TBC1D14: variants seen among roughly 807,000 people sequenced by gnomAD.
TBC1D14 encodes the protein TBC1 domain family, member 14.
TBC1D14 carries 26 observed loss-of-function variants against 79.0 expected under a neutral mutation model. The ratio of observed to expected loss-of-function variants is 0.33; its 90% CI spans 0.24 to 0.46. The LOEUF is 0.46. TBC1D14 is among the 20% of genes least tolerant of loss of function. The probability of loss-of-function intolerance (pLI) is 1.00; values close to 1 mark genes in which losing one functional copy is unlikely to be tolerated. For missense variants in TBC1D14, 769 were observed against 887.6 expected (o/e 0.87, Z 1.70); for synonymous variants, 394 against 349.9 (o/e 1.13, Z -1.40).
chr4:6,942,231 C>T (rs1560265818), intron 2 of TBC1D14, among the ~76,000 whole-genome samples: 1 of 152,250 alleles, frequency 6.6e-6, no homozygotes, highest in Admixed American at 6.5e-5. Flanking sequence ...ATATTCAGTA[C>T]AAGTAACACT....
At chr4:7,021,870 G>T (rs1721871254) in intron 12 of TBC1D14, among the ~76,000 whole-genome samples, 1 of 152,226 alleles carries the variant, frequency 6.6e-6, no homozygotes, top group Non-Finnish European at 1.5e-5. Context: ...TCCTGCTTCT[G>T]TGAGCCTGAG....
At chr4:6,937,448 G>A (rs747404159) in intron 2 of TBC1D14, among the ~76,000 whole-genome samples, 25 of 151,694 alleles carry the variant, frequency 1.6e-4, no homozygotes, top group Non-Finnish European at 2.9e-4. Flanking sequence ...CTGTCAACCT[G>A]AGGGTTAGGA....
At chr4:6,942,200 C>G (rs1712977153) in intron 2 of TBC1D14, among the ~76,000 whole-genome samples, 1 of 151,928 alleles carries the variant, frequency 6.6e-6, no homozygotes. Context: ...AAAATATTTA[C>G]ACATCTTTTT....
chr4:6,948,857 G>C (rs190634079), intron 2 of TBC1D14, among the ~76,000 whole-genome samples: 2 of 151,326 alleles, frequency 1.3e-5, no homozygotes, highest in Admixed American at 1.3e-4. Flanking sequence ...GAGCCACCAC[G>C]CCTGGCTAAT....
At chr4:6,969,284 A>C in intron 3 of TBC1D14, among the ~76,000 whole-genome samples, 1 of 152,386 alleles carries the variant, frequency 6.6e-6, no homozygotes, top group Admixed American at 6.5e-5. Context: ...CCAAGCTGCT[A>C]TAAAGTTTTT....
chr4:6,985,833 T>C (rs940928756), intron 3 of TBC1D14, among the ~76,000 whole-genome samples: 1 of 152,196 alleles, frequency 6.6e-6, no homozygotes, highest in Non-Finnish European at 1.5e-5. Context: ...CGTTCGCTAA[T>C]CCTTTCAGCC....
At chr4:7,001,406 G>C in intron 7 of TBC1D14, 155 bp downstream of exon 7, 1 of 652,672 alleles carries the variant, frequency 1.5e-6, no homozygotes, top group Non-Finnish European at 2.6e-6. Context: ...GGGGCAGTTG[G>C]GAGGCCTGGG....
intron 13 of TBC1D14, among the ~76,000 whole-genome samples, chr4:7,027,924 C>T (rs184812089): frequency 1.7e-3 from 249 of 149,610 alleles, no homozygotes; most frequent in African/African-American, 6.0e-3. Flanking sequence ...ACAATCACCC[C>T]ACACAGTTAC....
intron 3 of TBC1D14, among the ~76,000 whole-genome samples, chr4:6,988,182 G>A (rs920189895): frequency 6.6e-6 from 1 of 152,186 alleles, no homozygotes; most frequent in Non-Finnish European, 1.5e-5. Context: ...CAAGACAATT[G>A]CTTTTACAAA....
intron 3 of TBC1D14, among the ~76,000 whole-genome samples, chr4:6,969,479 C>T (rs993173418): frequency 7.9e-5 from 12 of 151,956 alleles, no homozygotes; most frequent in African/African-American, 2.2e-4. Flanking sequence ...GATCTTGGCT[C>T]GCTGCACGCT....
chr4:6,985,495 G>GGT (rs1180223085), intron 3 of TBC1D14, among the ~76,000 whole-genome samples: 2 of 152,054 alleles, frequency 1.3e-5, no homozygotes, highest in Non-Finnish European at 2.9e-5. Context: ...AGGAATTAGG[G>GGT]GTGTGTGTGT....
At position 7,032,794 on chromosome 4, in the gene TBC1D14, C is replaced by T. The variant is rs1723181037; in HGVS notation, c.*2402C>T. The T allele has an allele frequency of 6.6e-6, 1 of 152,268 alleles. No homozygotes were observed. Among genetic ancestry groups the T allele is most frequent in the African/African-American group, 2.4e-5 (1 of 41,464 alleles). The allele number at this position is 152,268 out of a possible 1,614,324, so 9.4% of individuals were successfully genotyped here. A position where few individuals can be genotyped will look rare whatever the true frequency, so the allele number is the denominator to read the frequency against. On this transcript the variant is annotated 3_prime_UTR_variant, in exon 14 of 14. Transcript: ENST00000409757. ...CCAGAGGTCTGCACACTCCACTTCA[C>T]ATGCCGTTGACTCTCACAGTCTAAG...
At chr4:6,982,722 G>GT (rs1333477444) in intron 3 of TBC1D14, among the ~76,000 whole-genome samples, 1 of 152,192 alleles carries the variant, frequency 6.6e-6, no homozygotes, top group Non-Finnish European at 1.5e-5. Context: ...CGCAGCACAA[G>GT]TGATTGGAAG....
chr4:7,015,513 C>A (rs1340772098), intron 12 of TBC1D14, among the ~76,000 whole-genome samples: 3 of 152,082 alleles, frequency 2.0e-5, no homozygotes, highest in African/African-American at 7.2e-5. Context: ...GAGACAGATA[C>A]AAGGATCCTG....
intron 1 of TBC1D14, among the ~76,000 whole-genome samples, chr4:6,912,994 A>G (rs181793359): frequency 1.3e-5 from 2 of 151,956 alleles, no homozygotes; most frequent in East Asian, 1.9e-4. Flanking sequence ...GTTCTGTTCT[A>G]TTCTATTCTA....
chr4:6,988,039 T>G (rs891172670), intron 3 of TBC1D14, among the ~76,000 whole-genome samples: 1 of 152,168 alleles, frequency 6.6e-6, no homozygotes, highest in Non-Finnish European at 1.5e-5. Flanking sequence ...TTACTTACTG[T>G]GAGGTCAGGC....
At chr4:7,015,676 C>CT (rs1171208126) in intron 12 of TBC1D14, among the ~76,000 whole-genome samples, 1 of 152,154 alleles carries the variant, frequency 6.6e-6, no homozygotes, top group African/African-American at 2.4e-5. Flanking sequence ...GGAGCAGCCT[C>CT]TCAGATCACA....
At chr4:6,950,742 G>C (rs773795304) in intron 2 of TBC1D14, among the ~76,000 whole-genome samples, 1 of 151,834 alleles carries the variant, frequency 6.6e-6, no homozygotes, top group Non-Finnish European at 1.5e-5. Flanking sequence ...AATTAACTTC[G>C]CATTCTTAGA....
intron 1 of TBC1D14, among the ~76,000 whole-genome samples, chr4:6,919,336 G>A (rs1323051719): frequency 3.3e-5 from 5 of 151,920 alleles, no homozygotes; most frequent in African/African-American, 7.3e-5. Context: ...AGTAGAGATG[G>A]GGTTTCACCA....
Sources: gnomAD v4.1 joint callset for allele counts (sites outside exome capture counted in the v4.1 genomes callset) on GRCh38, gnomAD v4.1.1 for gene constraint, MANE v1.5 for transcripts, NCBI Gene and HGNC (gene_info 2026-07-23, HGNC 2026-07-21) for gene names.